The following VPS33B variants were observed in gnomAD, a reference collection of about 807,000 sequenced individuals.
VPS33B encodes vacuolar protein sorting-associated protein 33B.
In VPS33B, 80 loss-of-function variants were observed where a neutral mutation model predicts 95.3. That is an observed-to-expected ratio of 0.84 (90% CI 0.70 to 1.01). The LOEUF (loss-of-function observed/expected upper bound fraction) is 1.01, where lower values mean the gene tolerates loss of function less well. Ranked by LOEUF, VPS33B falls within the 50% of genes least tolerant of loss-of-function variation. VPS33B has a pLI of 0.00. For synonymous variants in VPS33B, 280 were observed against 280.4 expected (o/e 1.00, Z 0.01); for missense variants, 715 against 773.4 (o/e 0.92, Z 0.90).
In VPS33B at chr15:90,999,740, C is replaced by A; in HGVS notation, c.1711G>T (p.Val571Leu). The A allele has an allele frequency of 6.2e-7, 1 of 1,614,190 alleles. No individual in the cohort carries two copies. Among genetic ancestry groups the A allele is most frequent in the Non-Finnish European group, 8.5e-7 (1 of 1,180,034 alleles). ...SSESLRLILV[V>L]FLGGCTFSEI... ...GAGAATGTACAACCACCCAAGAACA[C>A]CACCAAGATGAGGCGCAGGGACTCA... is the stretch of plus-strand genomic sequence containing the variant. The change falls in exon 22 of 23, where the codon GTG (valine) becomes TTG (leucine). Residue 571 changes from valine to leucine, a missense_variant. Coordinates refer to ENST00000333371, the MANE Select transcript of VPS33B (RefSeq NM_018668.5). The surrounding 1 kb of genome is among the most constrained non-coding windows in gnomAD (Gnocchi z 5.1).
rs894317409 is a variant in VPS33B, at chr15:91,009,672, A to T, written c.403+129T>A. Reference sequence around the variant, plus strand: ...TCTCAGGAACCTCTCCTCCTGCTACACTAACAGGAATAAGACCAGGAAAAG... The same window carrying T: ...TCTCAGGAACCTCTCCTCCTGCTACTCTAACAGGAATAAGACCAGGAAAAG... On this transcript the variant is annotated intron_variant, in intron 6 of 22. Transcript: ENST00000333371. The surrounding 1 kb of genome is among the most constrained non-coding windows in gnomAD (Gnocchi z 4.1). 54 of 980,852 alleles carry T rather than the reference A, an allele frequency of 5.5e-5. No homozygotes were observed. The highest frequency in any genetic ancestry group is 1.3e-4 in the Admixed American group (6 of 47,544). The allele number at this position is 980,852 out of a possible 1,614,324, so 60.8% of individuals were successfully genotyped here.
At position 91,009,559 on chromosome 15, in the gene VPS33B, G is replaced by A. The variant is rs1231752825; in HGVS notation, c.403+242C>T. 6.6e-6 allele frequency among the ~76,000 whole-genome samples: 1 copy of A among 152,050 alleles called. No individual in the cohort carries two copies. Among genetic ancestry groups the A allele is most frequent in the African/African-American group, 2.4e-5 (1 of 41,378 alleles). On this transcript the variant is annotated intron_variant, in intron 6 of 22. Coordinates refer to ENST00000333371, the MANE Select transcript of VPS33B (RefSeq NM_018668.5). This position sits in a 1 kb window ranked among gnomAD's most constrained non-coding sequence, Gnocchi z 4.1. ...TGACCTCAGGTGATCCACCCCCTCG[G>A]CCTCCCAAAGTGCTGGGATTACAGG...
Position 91,009,896 on chromosome 15 carries a change from T to G in VPS33B, c.358-50A>C, listed in dbSNP as rs1460941851. On this transcript the variant is annotated intron_variant, in intron 5 of 22. Coordinates refer to ENST00000333371, the MANE Select transcript of VPS33B (RefSeq NM_018668.5). The surrounding 1 kb of genome is among the most constrained non-coding windows in gnomAD (Gnocchi z 4.1). ...AGTAACTACCTTCTTCTCTGTTCTC[T>G]CCATTTCTCTGGAGTTCCTCTGTGG... 1 of 1,609,024 alleles carries G rather than the reference T, an allele frequency of 6.2e-7. No homozygotes were observed. Among genetic ancestry groups the G allele is most frequent in the East Asian group, 2.2e-5 (1 of 44,844 alleles).
chr15:91,004,237 GAAGAAA>G (rs916301984), intron 16 of VPS33B, among the ~76,000 whole-genome samples: 15 of 91,424 alleles, frequency 1.6e-4, no homozygotes, highest in African/African-American at 1.2e-3. Context: ...AAAAAAAAAA[GAAGAAA>G]AAGAAAAAGA....
Position 91,006,320 on chromosome 15 carries a change from T to G in VPS33B, c.852+52A>C, listed in dbSNP as rs553856464. 6.7e-6 allele frequency: 9 copies of G among 1,346,800 alleles called. No homozygotes were observed. In the African/African-American group the frequency reaches 1.8e-4, roughly 26 times the overall value. The allele number at this position is 1,346,800 out of a possible 1,614,324, so 83.4% of individuals were successfully genotyped here. A position where few individuals can be genotyped will look rare whatever the true frequency, so the allele number is the denominator to read the frequency against. ...TGGTATAAGCAGGGGGCCCACAGCC[T>G]GGTATAAGCAGTGGCCCTAGGTGGG... On this transcript the variant is annotated intron_variant, in intron 11 of 22. Transcript: ENST00000333371. The surrounding 1 kb of genome is among the most constrained non-coding windows in gnomAD (Gnocchi z 5.4).
intron 2 of VPS33B, 35 bp from the exon 3 acceptor site, chr15:91,017,059 G>C: frequency 6.2e-7 from 1 of 1,607,256 alleles, no homozygotes; most frequent in African/African-American, 1.3e-5. Context: ...ATGGACATAA[G>C]AGTGCCTGAA....
intron 1 of VPS33B, 30 bp from the exon 2 acceptor site, chr15:91,017,915 C>A: frequency 6.2e-7 from 1 of 1,610,594 alleles, no homozygotes; most frequent in Non-Finnish European, 8.5e-7. Flanking sequence ...TTGGGTCACT[C>A]ACAGGTCACA....
Position 91,006,952 on chromosome 15 carries a change from C to T in VPS33B, c.698G>A (p.Arg233Lys), listed in dbSNP as rs775548842. Residue 233 changes from arginine to lysine, a missense_variant and splice_region_variant, in exon 9 of 23, where the codon AGA (arginine) becomes AAA (lysine). By Grantham distance (26) the Arg-to-Lys change is conservative (BLOSUM62 2). Coordinates refer to ENST00000333371, the MANE Select transcript of VPS33B (RefSeq NM_018668.5). The surrounding 1 kb of genome is among the most constrained non-coding windows in gnomAD (Gnocchi z 5.4). ...CAGGAACGCTGGGCATAATTTACCT[C>T]TGTCCAAGAGAAAGATATGTCCAAT... ...PEIGHIFLLDRDVDFVTALCS... is the reference protein window; with the variant it reads ...PEIGHIFLLDKDVDFVTALCS... 1 of 1,614,178 alleles carries T rather than the reference C, an allele frequency of 6.2e-7. No individual in the cohort carries two copies. The highest frequency in any genetic ancestry group is 8.5e-7 in the Non-Finnish European group (1 of 1,180,050).
At position 90,999,995 on chromosome 15, in the gene VPS33B, G is replaced by GT; in HGVS notation, c.1582-21dup. On this transcript the variant is annotated intron_variant, in intron 20 of 22. Transcript: ENST00000333371. The surrounding 1 kb of genome is among the most constrained non-coding windows in gnomAD (Gnocchi z 5.1). ...TAGCACCTGGGAAGGTGTAAGCACT[G>GT]TTTTTAAGGCTACAGACAGTATCAG... is the stretch of plus-strand genomic sequence containing the variant. 2 of 1,614,008 alleles carry GT rather than the reference G, an allele frequency of 1.2e-6. No homozygotes were observed. The highest frequency in any genetic ancestry group is 8.5e-7 in the Non-Finnish European group (1 of 1,179,988).
At position 90,999,500 on chromosome 15, in the gene VPS33B, G is replaced by T. The variant is rs947076291; in HGVS notation, c.1774+177C>A. ...TGCCTGGCTAATTTTTGTATTTTTC[G>T]TAGAGATGGGGTTTCACCATGTTGG... On this transcript the variant is annotated intron_variant, in intron 22 of 22. Coordinates refer to ENST00000333371, the MANE Select transcript of VPS33B (RefSeq NM_018668.5). The surrounding 1 kb of genome is among the most constrained non-coding windows in gnomAD (Gnocchi z 5.1). The T allele has an allele frequency of 1.4e-5, 10 of 723,110 alleles. No individual in the cohort carries two copies. In the African/African-American group the frequency reaches 1.4e-4, roughly 10 times the overall value. The allele number at this position is 723,110 out of a possible 1,614,324, so 44.8% of individuals were successfully genotyped here. A position where few individuals can be genotyped will look rare whatever the true frequency, so the allele number is the denominator to read the frequency against.
chr15:91,003,482 C>T (rs2040503884), intron 16 of VPS33B, among the ~76,000 whole-genome samples: 1 of 152,112 alleles, frequency 6.6e-6, no homozygotes, highest in South Asian at 2.1e-4. Flanking sequence ...CTCTGTCACT[C>T]AGGCTGGAGT....
Position 91,004,947 on chromosome 15 carries a change from G to T in VPS33B, c.1171-16C>A, listed in dbSNP as rs1224014366. 1.9e-6 allele frequency: 3 copies of T among 1,614,192 alleles called. No individual in the cohort carries two copies. The highest frequency in any genetic ancestry group is 1.6e-4 in the Middle Eastern group (1 of 6,062). ...TAGGCGACACCTGCATAGGAAGAAA[G>T]AATCAAGGAGAATTGAAGCTTCACA... is the stretch of plus-strand genomic sequence containing the variant. On this transcript the variant is annotated splice_polypyrimidine_tract_variant and intron_variant, in intron 15 of 22. Transcript: ENST00000333371.
rs2040661068 is a variant in VPS33B, at chr15:91,007,880, T to A, written c.488A>T (p.Asp163Val). 6 of 1,614,168 alleles carry A rather than the reference T, an allele frequency of 3.7e-6. No individual in the cohort carries two copies. The highest frequency in any genetic ancestry group is 5.1e-6 in the Non-Finnish European group (6 of 1,180,028). Residue 163 changes from aspartate to valine, a missense_variant, in exon 7 of 23, where the codon GAT becomes GTT. By Grantham distance (152) the Asp-to-Val change is radical. Transcript: ENST00000333371. The surrounding 1 kb of genome is among the most constrained non-coding windows in gnomAD (Gnocchi z 5.3). ...LSMELPEFFR[D>V]YFLEGDQRWI... The stretch of plus-strand genomic sequence containing the variant: ...GGCCTCTGCATTTACCAGAAAGTAA[T>A]CCCTGAAAAATTCTGGTAGTTCCAT...
At chr15:91,012,638 A>C (rs778137639) in intron 5 of VPS33B, among the ~76,000 whole-genome samples, 2 of 152,186 alleles carry the variant, frequency 1.3e-5, no homozygotes, top group Non-Finnish European at 2.9e-5. Flanking sequence ...ACCTTCTGTA[A>C]GTATGCATGC....
chr15:91,017,365 T>TTAAAAAAAAAAA (rs1555460460), intron 2 of VPS33B, among the ~76,000 whole-genome samples: 5 of 16,994 alleles, frequency 2.9e-4, no homozygotes, highest in African/African-American at 8.6e-4. Context: ...TCTACAAAAT[T>TTAAAAAAAAAAA]AAATATATAT....
At position 91,008,586 on chromosome 15, in the gene VPS33B, A is replaced by G. The variant is rs571183093; in HGVS notation, c.404-622T>C. On this transcript the variant is annotated intron_variant, in intron 6 of 22. Coordinates refer to ENST00000333371, the MANE Select transcript of VPS33B (RefSeq NM_018668.5). ...AGCTCACTCATTCATTATTCAGCAT[A>G]TATTTACTGAAAGCTGCCTACATGT... Among the ~76,000 whole-genome samples, 33 of 152,288 alleles carry G rather than the reference A, an allele frequency of 2.2e-4. 1 individual carries two copies. Among genetic ancestry groups the G allele is most frequent in the African/African-American group, 7.0e-4 (29 of 41,558 alleles).
chr15:91,006,295 TGGTATAAGCAGGGGGCCCACAGC>T lies in VPS33B; in HGVS notation c.852+54_852+76del. 1.0e-6 allele frequency: 1 copy of T among 980,700 alleles called. No individual in the cohort carries two copies. The highest frequency in any genetic ancestry group is 3.3e-4 in the Middle Eastern group (1 of 3,008). 60.7% of individuals were successfully genotyped at this position (980,700 alleles called of 1,614,324 possible). On this transcript the variant is annotated intron_variant, in intron 11 of 22. Coordinates refer to ENST00000333371, the MANE Select transcript of VPS33B (RefSeq NM_018668.5). The surrounding 1 kb of genome is among the most constrained non-coding windows in gnomAD (Gnocchi z 5.4). ...CCTCTCAGAGCTGGGGCCCACAGCCTGGTATAAGCAGGGGGCCCACAGCCTGGTATAAGCAGTGGCCCTAGGTG... is the reference window on the plus strand; with the variant it reads ...CCTCTCAGAGCTGGGGCCCACAGCCTCTGGTATAAGCAGTGGCCCTAGGTG...
rs1365097135 is a variant in VPS33B at position 91,000,150 on chromosome 15, C to CG, written c.1582-176dup. 3.9e-5 allele frequency among the ~76,000 whole-genome samples: 6 copies of CG among 152,114 alleles called. No homozygotes were observed. The highest frequency in any genetic ancestry group is 2.1e-4 in the South Asian group (1 of 4,828). ...ATTCCAACACTTTAGGAGTTTGAGG[C>CG]GGGGGGATCACCTGAGGTCAGGAGT... is the stretch of plus-strand genomic sequence containing the variant. On this transcript the variant is annotated intron_variant, in intron 20 of 22. Coordinates refer to ENST00000333371, the MANE Select transcript of VPS33B (RefSeq NM_018668.5). This position sits in a 1 kb window ranked among gnomAD's most constrained non-coding sequence, Gnocchi z 4.9.
chr15:91,015,340 A>AAAAAT lies in VPS33B; in HGVS notation c.240-912_240-908dup, dbSNP rs1165653070. Among the ~76,000 whole-genome samples, 1 of 151,796 alleles carries AAAAAT rather than the reference A, an allele frequency of 6.6e-6. No homozygotes were observed. Among genetic ancestry groups the AAAAAT allele is most frequent in the Non-Finnish European group, 1.5e-5 (1 of 67,974 alleles). On this transcript the variant is annotated intron_variant, in intron 3 of 22. Transcript: ENST00000333371. The surrounding 1 kb of genome is among the most constrained non-coding windows in gnomAD (Gnocchi z 4.7). ...GACAAGAGCTAAACTCCGTCTCAAA[A>AAAAAT]AAAATAAAATAAAATAAAATAATAA...
Sources: gnomAD v4.1 joint callset for allele counts (sites outside exome capture counted in the v4.1 genomes callset) on GRCh38, gnomAD v4.1.1 for gene constraint, Gnocchi (gnomAD v3.1) non-coding constraint, MANE v1.5 for transcripts, NCBI Gene and HGNC (gene_info 2026-07-23, HGNC 2026-07-21) for gene names.